Variants in IQCM observed in about 807,000 individuals in gnomAD.
IQCM encodes the protein IQ domain-containing protein M.
IQCM carries 45 observed loss-of-function variants against 57.6 expected under a neutral mutation model. The ratio of observed to expected loss-of-function variants is 0.78; its 90% CI spans 0.62 to 1.00. The LOEUF is 1.00. Among genes scored for constraint, IQCM ranks in the 50% least tolerant of loss-of-function variants. The probability of loss-of-function intolerance (pLI) is 0.00; values close to 1 mark genes in which losing one functional copy is unlikely to be tolerated. For missense variants in IQCM, 468 were observed against 511.6 expected, an observed-to-expected ratio of 0.91 and a Z score of 0.82; for synonymous variants, 148 against 158.9, an observed-to-expected ratio of 0.93 and a Z score of 0.51.
intron 12 of IQCM, among the ~76,000 whole-genome samples, chr4:149,467,318 A>G (rs988948342): frequency 6.6e-6 from 1 of 152,316 alleles, no homozygotes; most frequent in Middle Eastern, 3.4e-3. Context: ...TTATTAGAAG[A>G]GGGAGAAAAG....
chr4:149,798,991 A>G (rs1012121608), intron 2 of IQCM, among the ~76,000 whole-genome samples: 2 of 151,818 alleles, frequency 1.3e-5, no homozygotes, highest in Admixed American at 6.6e-5. Flanking sequence ...GATCTAATAG[A>G]TATTTACAGA....
intron 3 of IQCM, among the ~76,000 whole-genome samples, chr4:149,738,519 A>G (rs941096976): frequency 1.3e-5 from 2 of 152,190 alleles, no homozygotes; most frequent in Admixed American, 1.3e-4. Flanking sequence ...TGGAGAAACT[A>G]TATGCGCTCT....
intron 2 of IQCM, among the ~76,000 whole-genome samples, chr4:149,775,412 T>G (rs1238398726): frequency 6.6e-6 from 1 of 152,052 alleles, no homozygotes; most frequent in Admixed American, 6.5e-5. Context: ...AACTTTAATC[T>G]CCTGATTAAG....
At chr4:149,357,647 C>T (rs1210857812) in intron 13 of IQCM, among the ~76,000 whole-genome samples, 2 of 152,070 alleles carry the variant, frequency 1.3e-5, no homozygotes, top group East Asian at 3.9e-4. Flanking sequence ...TACGTTTTGC[C>T]AGTATTTTAT....
At chr4:149,421,377 C>T (rs535004223) in intron 13 of IQCM, among the ~76,000 whole-genome samples, 6 of 151,810 alleles carry the variant, frequency 4.0e-5, no homozygotes, top group African/African-American at 9.7e-5. Context: ...GAGAACACAA[C>T]GGTGATGTGA....
intron 12 of IQCM, 120 bp from the exon 13 acceptor site, chr4:149,433,677 A>G: frequency 2.5e-6 from 1 of 408,002 alleles, no homozygotes; most frequent in Non-Finnish European, 4.1e-6. Context: ...CACTGAAAAC[A>G]TGTCTTTTTT....
At chr4:149,373,765 C>T (rs1730521999) in intron 13 of IQCM, among the ~76,000 whole-genome samples, 1 of 151,220 alleles carries the variant, frequency 6.6e-6, no homozygotes, top group Admixed American at 6.6e-5. Context: ...TGTGGGTTGA[C>T]TCCTCACTTC....
At chr4:149,637,080 T>C (rs1033704462) in intron 7 of IQCM, among the ~76,000 whole-genome samples, 3 of 149,594 alleles carry the variant, frequency 2.0e-5, no homozygotes, top group African/African-American at 7.4e-5. Context: ...GAAGCGGAGC[T>C]TGCAGTGAGC....
intron 8 of IQCM, among the ~76,000 whole-genome samples, chr4:149,610,971 T>C (rs150663785): frequency 0.02 from 3,073 of 152,036 alleles, 59 homozygotes; most frequent in African/African-American, 0.049. Flanking sequence ...ACCTAACAAG[T>C]GATTAATAAC....
At chr4:149,540,895 A>G (rs1476258000) in intron 12 of IQCM, among the ~76,000 whole-genome samples, 2 of 152,144 alleles carry the variant, frequency 1.3e-5, no homozygotes, top group Admixed American at 1.3e-4. Context: ...AGGATGTGTC[A>G]AATTTCAATT....
intron 3 of IQCM, among the ~76,000 whole-genome samples, chr4:149,739,201 T>C: frequency 6.6e-6 from 1 of 152,118 alleles, no homozygotes; most frequent in Admixed American, 6.6e-5. Context: ...TTTTAAGAGC[T>C]CTTATTCCTG....
At chr4:149,367,969 T>C (rs1322454369) in intron 13 of IQCM, among the ~76,000 whole-genome samples, 1 of 152,060 alleles carries the variant, frequency 6.6e-6, no homozygotes, top group Non-Finnish European at 1.5e-5. Flanking sequence ...ATCTTTTACC[T>C]ATTTTGCTAT....
chr4:149,500,442 T>C (rs756765291), intron 12 of IQCM, among the ~76,000 whole-genome samples: 14 of 152,138 alleles, frequency 9.2e-5, no homozygotes, highest in Non-Finnish European at 1.8e-4. Context: ...AACATTTAAG[T>C]GTATGAAAAG....
chr4:149,538,577 A>T (rs1747534215), intron 12 of IQCM, among the ~76,000 whole-genome samples: 1 of 151,996 alleles, frequency 6.6e-6, no homozygotes, highest in African/African-American at 2.4e-5. Flanking sequence ...TAAAGACTCC[A>T]ATCAAACAGA....
intron 11 of IQCM, among the ~76,000 whole-genome samples, chr4:149,552,344 T>C (rs1749120436): frequency 6.6e-6 from 1 of 152,142 alleles, no homozygotes; most frequent in South Asian, 2.1e-4. Context: ...ACCAACATTT[T>C]CACATTTTTA....
At chr4:149,553,493 T>C (rs1282792744) in intron 10 of IQCM, among the ~76,000 whole-genome samples, 1 of 152,238 alleles carries the variant, frequency 6.6e-6, no homozygotes, top group Non-Finnish European at 1.5e-5. Context: ...TTTGTCATTA[T>C]ATATTCATAC....
chr4:149,449,828 G>A (rs886110713), intron 12 of IQCM, among the ~76,000 whole-genome samples: 1 of 151,628 alleles, frequency 6.6e-6, no homozygotes, highest in African/African-American at 2.4e-5. Context: ...AAATACCAAT[G>A]ACATTCTTCA....
intron 7 of IQCM, among the ~76,000 whole-genome samples, chr4:149,654,714 G>T (rs1251612800): frequency 5.3e-5 from 8 of 152,124 alleles, no homozygotes; most frequent in African/African-American, 1.9e-4. Context: ...AGAAATGAGT[G>T]ACCAAAGTCC....
chr4:149,386,294 C>A (rs886163157), intron 13 of IQCM, among the ~76,000 whole-genome samples: 1 of 151,924 alleles, frequency 6.6e-6, no homozygotes, highest in African/African-American at 2.4e-5. Flanking sequence ...ATCTCATGGG[C>A]ACATATTTTT....
Sources: gnomAD v4.1 joint callset for allele counts (sites outside exome capture counted in the v4.1 genomes callset) on GRCh38, gnomAD v4.1.1 for gene constraint, MANE v1.5 for transcripts, NCBI Gene and HGNC (gene_info 2026-07-23, HGNC 2026-07-21) for gene names.